Variants in ANKS1B observed in about 807,000 individuals in gnomAD.
The protein encoded by ANKS1B is ankyrin repeat and sterile alpha motif domain containing 1B, also known as ankyrin repeat and sterile alpha motif domain-containing protein 1B.
ANKS1B carries 36 observed loss-of-function variants against 148.3 expected under a neutral mutation model. That is an observed-to-expected ratio of 0.24 (90% CI 0.19 to 0.32). The LOEUF is 0.32. Ranked by LOEUF, ANKS1B falls within the 10% of genes least tolerant of loss-of-function variation. ANKS1B has a pLI of 1.00. For missense variants in ANKS1B, 1,157 were observed against 1,542.6 expected (o/e 0.75, Z 4.19); for synonymous variants, 542 against 560.8 (o/e 0.97, Z 0.47).
intron 12 of ANKS1B, among the ~76,000 whole-genome samples, chr12:99,260,378 C>T (rs1431574239): frequency 6.6e-6 from 1 of 152,148 alleles, no homozygotes; most frequent in South Asian, 2.1e-4. Flanking sequence ...TCAGTAAAAG[C>T]TCTGAGAATG....
At chr12:99,327,685 A>G (rs960758011) in intron 12 of ANKS1B, among the ~76,000 whole-genome samples, 4 of 149,858 alleles carry the variant, frequency 2.7e-5, no homozygotes, top group African/African-American at 9.7e-5. Flanking sequence ...AAGCAAAATA[A>G]AAGTCGGTTT....
chr12:99,501,989 T>G (rs1362916963), intron 10 of ANKS1B, among the ~76,000 whole-genome samples: 1 of 152,190 alleles, frequency 6.6e-6, no homozygotes, highest in Non-Finnish European at 1.5e-5. Flanking sequence ...AGAGTTGACC[T>G]GAGCCTGATC....
At chr12:98,941,848 A>G (rs2099837302) in intron 17 of ANKS1B, among the ~76,000 whole-genome samples, 1 of 152,232 alleles carries the variant, frequency 6.6e-6, no homozygotes. Flanking sequence ...GAGAAAGGGT[A>G]GCAAAAATTT....
chr12:99,198,764 C>T (rs1958166788), intron 14 of ANKS1B, among the ~76,000 whole-genome samples: 1 of 152,130 alleles, frequency 6.6e-6, no homozygotes, highest in African/African-American at 2.4e-5. Flanking sequence ...TAGAATCAGC[C>T]TGCAAGAGGG....
intron 9 of ANKS1B, among the ~76,000 whole-genome samples, chr12:99,653,507 T>TA (rs1264194020): frequency 6.6e-6 from 1 of 152,106 alleles, no homozygotes; most frequent in Non-Finnish European, 1.5e-5. Context: ...AGATATGAGG[T>TA]AAAAAACTAT....
chr12:99,125,203 A>T (rs1238159794), intron 15 of ANKS1B, among the ~76,000 whole-genome samples: 1 of 152,170 alleles, frequency 6.6e-6, no homozygotes, highest in Non-Finnish European at 1.5e-5. Flanking sequence ...AGTAGACAAG[A>T]GGGGCCACAT....
chr12:99,930,042 T>G (rs1221752557), intron 1 of ANKS1B, among the ~76,000 whole-genome samples: 1 of 152,058 alleles, frequency 6.6e-6, no homozygotes, highest in Non-Finnish European at 1.5e-5. Flanking sequence ...AAGAAAGTCA[T>G]TGGTAGCTTG....
chr12:99,620,093 A>C (rs2098027657), intron 9 of ANKS1B, among the ~76,000 whole-genome samples: 1 of 152,170 alleles, frequency 6.6e-6, no homozygotes, highest in African/African-American at 2.4e-5. Flanking sequence ...TGCACAGCCC[A>C]ATATAAACCC....
At chr12:99,306,824 A>C (rs2154023664) in intron 12 of ANKS1B, among the ~76,000 whole-genome samples, 1 of 152,072 alleles carries the variant, frequency 6.6e-6, no homozygotes, top group South Asian at 2.1e-4. Flanking sequence ...ATCTGTTCTT[A>C]TACAGTTGAT....
At chr12:99,136,362 C>T (rs1348085645) in intron 15 of ANKS1B, among the ~76,000 whole-genome samples, 4 of 152,158 alleles carry the variant, frequency 2.6e-5, no homozygotes, top group African/African-American at 9.7e-5. Context: ...GTGTGCCTGG[C>T]AGCACTAAGG....
At chr12:99,520,422 A>C (rs7955746) in intron 9 of ANKS1B, among the ~76,000 whole-genome samples, 32 of 152,244 alleles carry the variant, frequency 2.1e-4, no homozygotes, top group African/African-American at 7.5e-4. Context: ...CCAGGTTTCT[A>C]CTAAAAAGTC....
At chr12:99,796,718 G>C (rs2066299362) in intron 4 of ANKS1B, among the ~76,000 whole-genome samples, 1 of 151,492 alleles carries the variant, frequency 6.6e-6, no homozygotes, top group African/African-American at 2.4e-5. Flanking sequence ...AAACTATAAA[G>C]TAATGACAAG....
chr12:99,867,655 C>G (rs1193950937), intron 1 of ANKS1B, among the ~76,000 whole-genome samples: 1 of 152,122 alleles, frequency 6.6e-6, no homozygotes, highest in Non-Finnish European at 1.5e-5. Context: ...TCTCTCCCAC[C>G]GGGTACCTCA....
At chr12:99,426,261 T>G (rs2152732551) in intron 11 of ANKS1B, among the ~76,000 whole-genome samples, 1 of 152,278 alleles carries the variant, frequency 6.6e-6, no homozygotes, top group East Asian at 1.9e-4. Context: ...AATGACCCAC[T>G]TAATTTATTA....
intron 14 of ANKS1B, among the ~76,000 whole-genome samples, chr12:99,161,305 G>C (rs2076637765): frequency 6.6e-6 from 1 of 152,148 alleles, no homozygotes; most frequent in Non-Finnish European, 1.5e-5. Context: ...GGGAGGCTGA[G>C]GTGAGAGGAT....
chr12:99,547,180 C>T (rs996531128), intron 9 of ANKS1B, among the ~76,000 whole-genome samples: 1 of 152,090 alleles, frequency 6.6e-6, no homozygotes, highest in Non-Finnish European at 1.5e-5. Context: ...AGATCTTAGA[C>T]TTGAAGCAAG....
At chr12:99,339,793 G>A (rs1031738630) in intron 12 of ANKS1B, among the ~76,000 whole-genome samples, 1 of 152,010 alleles carries the variant, frequency 6.6e-6, no homozygotes, top group African/African-American at 2.4e-5. Flanking sequence ...CTTGGCTTTT[G>A]ACAGTAATCC....
chr12:99,375,609 A>G (rs1373193699), intron 12 of ANKS1B, among the ~76,000 whole-genome samples: 3 of 152,164 alleles, frequency 2.0e-5, no homozygotes, highest in East Asian at 3.8e-4. Flanking sequence ...TGTGCAAATA[A>G]TAACTAATCA....
chr12:99,245,458 A>G (rs906427924), intron 13 of ANKS1B, among the ~76,000 whole-genome samples: 1 of 152,212 alleles, frequency 6.6e-6, no homozygotes, highest in African/African-American at 2.4e-5. Flanking sequence ...AGCAGGTTTC[A>G]GAAAGGACAA....
Sources: allele counts gnomAD v4.1 joint callset (sites outside exome capture counted in the v4.1 genomes callset), GRCh38; gene constraint gnomAD v4.1.1; transcripts MANE v1.5; gene names NCBI Gene and HGNC (gene_info 2026-07-23, HGNC 2026-07-21).